The following CDYL2 variants were observed in gnomAD, a reference collection of about 807,000 sequenced individuals.
The protein encoded by CDYL2 is chromodomain Y like 2.
Under a neutral mutation model 49.4 loss-of-function variants are expected in CDYL2, and 23 were observed. That is an observed-to-expected ratio of 0.47 (90% CI 0.34 to 0.66). CDYL2 has a LOEUF of 0.66. CDYL2 is among the 30% of genes least tolerant of loss of function. CDYL2 has a pLI of 0.01. For missense variants in CDYL2, 678 were observed against 656.4 expected (o/e 1.03, Z -0.36); for synonymous variants, 360 against 268.8 (o/e 1.34, Z -3.32).
chr16:80,652,737 G>A (rs1226971825), intron 2 of CDYL2, among the ~76,000 whole-genome samples: 2 of 152,182 alleles, frequency 1.3e-5, no homozygotes, highest in African/African-American at 4.8e-5. Flanking sequence ...AGGATGTGAT[G>A]AGAATGGCAC....
At position 80,727,226 on chromosome 16, in the gene CDYL2, G is replaced by T. The variant is rs568773218; in HGVS notation, c.25-42097C>A. On this transcript the variant is annotated intron_variant, in intron 1 of 6. Coordinates refer to ENST00000570137, the MANE Select transcript of CDYL2 (RefSeq NM_152342.4). ...AGGGAGTGCCAGACAGTGGGCACAG[G>T]TCACTGGGTGCACGCACCGTGCCCG... Among the ~76,000 whole-genome samples the T allele has an allele frequency of 4.6e-5, 7 of 152,238 alleles. No individual in the cohort carries two copies. The South Asian group carries it at 1.2e-3, about 27-fold the overall frequency.
chr16:80,642,441 TA>T (rs1303074388), intron 2 of CDYL2, among the ~76,000 whole-genome samples: 1 of 151,988 alleles, frequency 6.6e-6, no homozygotes. Flanking sequence ...AGACTCCATC[TA>T]AAAAAAATTA....
At chr16:80,742,877 A>G (rs567533008) in intron 1 of CDYL2, among the ~76,000 whole-genome samples, 135 of 149,294 alleles carry the variant, frequency 9.0e-4, no homozygotes, top group African/African-American at 3.2e-3. Context: ...GAGTGGGTAG[A>G]TGGGTGAAGG....
At chr16:80,645,573 G>A (rs1277066862) in intron 2 of CDYL2, among the ~76,000 whole-genome samples, 1 of 152,144 alleles carries the variant, frequency 6.6e-6, no homozygotes, top group African/African-American at 2.4e-5. Context: ...GGAAGACAGT[G>A]TGGCGATTCC....
chr16:80,676,335 G>C (rs1046073344), intron 2 of CDYL2, among the ~76,000 whole-genome samples: 11 of 152,220 alleles, frequency 7.2e-5, no homozygotes, highest in Admixed American at 5.9e-4. Flanking sequence ...GTGTTGGCCT[G>C]GGGGTGGGTA....
At chr16:80,656,199 C>T (rs112448321) in intron 2 of CDYL2, among the ~76,000 whole-genome samples, 1 of 152,246 alleles carries the variant, frequency 6.6e-6, no homozygotes, top group Non-Finnish European at 1.5e-5. Context: ...GCCCAGCACA[C>T]TCCAGGCACT....
intron 1 of CDYL2, among the ~76,000 whole-genome samples, chr16:80,801,115 A>C (rs1907914604): frequency 6.6e-6 from 1 of 152,246 alleles, no homozygotes; most frequent in Non-Finnish European, 1.5e-5. Flanking sequence ...TGTTTAGCCG[A>C]ATATAGACCA....
intron 1 of CDYL2, among the ~76,000 whole-genome samples, chr16:80,767,181 C>G (rs567751495): frequency 6.2e-4 from 95 of 152,238 alleles, no homozygotes; most frequent in African/African-American, 2.1e-3. Context: ...AGAACTTTTC[C>G]CCAACTATAC....
intron 2 of CDYL2, among the ~76,000 whole-genome samples, chr16:80,633,578 G>T (rs568399906): frequency 6.6e-6 from 1 of 152,298 alleles, no homozygotes; most frequent in Admixed American, 6.5e-5. Context: ...GGATGCCTAT[G>T]AATCATAGGA....
intron 2 of CDYL2, among the ~76,000 whole-genome samples, chr16:80,663,292 G>T (rs1420772399): frequency 6.6e-6 from 1 of 151,436 alleles, no homozygotes; most frequent in Non-Finnish European, 1.5e-5. Flanking sequence ...TGAGGTGGAG[G>T]GGAGAGTTAA....
chr16:80,759,575 A>G (rs1906457837), intron 1 of CDYL2, among the ~76,000 whole-genome samples: 1 of 152,210 alleles, frequency 6.6e-6, no homozygotes, highest in Non-Finnish European at 1.5e-5. Flanking sequence ...TTATGAGTGC[A>G]TCGATCAAAT....
chr16:80,626,317 T>C (rs1329868866), intron 3 of CDYL2, among the ~76,000 whole-genome samples: 1 of 150,116 alleles, frequency 6.7e-6, no homozygotes, highest in Non-Finnish European at 1.5e-5. Flanking sequence ...GGTGAATGTG[T>C]TGTTAATAAA....
intron 1 of CDYL2, among the ~76,000 whole-genome samples, chr16:80,692,806 A>G (rs1033274965): frequency 1.3e-4 from 20 of 152,244 alleles, no homozygotes; most frequent in African/African-American, 4.8e-4. Flanking sequence ...TTATCACTAG[A>G]GTAACATGTT....
intron 1 of CDYL2, among the ~76,000 whole-genome samples, chr16:80,737,581 G>C (rs1354135559): frequency 6.6e-6 from 1 of 152,162 alleles, no homozygotes; most frequent in Non-Finnish European, 1.5e-5. Context: ...TGTTGCTGCT[G>C]CTGCTAGTGG....
At chr16:80,652,496 T>C (rs1292998379) in intron 2 of CDYL2, among the ~76,000 whole-genome samples, 1 of 152,224 alleles carries the variant, frequency 6.6e-6, no homozygotes, top group Non-Finnish European at 1.5e-5. Flanking sequence ...TGCAGAAGAA[T>C]TCCCGATAGT....
chr16:80,626,502 C>T (rs1907310447), intron 3 of CDYL2, among the ~76,000 whole-genome samples: 1 of 152,028 alleles, frequency 6.6e-6, no homozygotes, highest in Non-Finnish European at 1.5e-5. Context: ...TTACTCTTAG[C>T]CTTTGCTATG....
Position 80,612,946 on chromosome 16 carries a change from T to C in CDYL2, c.1008-110A>G. 1.0e-6 allele frequency: 1 copy of C among 996,676 alleles called. No homozygotes were observed. The highest frequency in any genetic ancestry group is 1.4e-6 in the Non-Finnish European group (1 of 695,110). The allele number at this position is 996,676 out of a possible 1,614,324, so 61.7% of individuals were successfully genotyped here. ...AGGAGCACCCTCAGGTCGTCAGAGG[T>C]TAGAGGTGCCAGGCAAGGGCCTCAT... On this transcript the variant is annotated intron_variant, in intron 4 of 6. Transcript: ENST00000570137. This position sits in a 1 kb window ranked among gnomAD's most constrained non-coding sequence, Gnocchi z 5.0.
chr16:80,665,940 C>T (rs2142442694), intron 2 of CDYL2, among the ~76,000 whole-genome samples: 1 of 152,096 alleles, frequency 6.6e-6, no homozygotes, highest in Non-Finnish European at 1.5e-5. Flanking sequence ...AGAATAAAAC[C>T]TAATATCCTA....
chr16:80,739,496 G>A (rs1257015248), intron 1 of CDYL2, among the ~76,000 whole-genome samples: 1 of 152,184 alleles, frequency 6.6e-6, no homozygotes, highest in Non-Finnish European at 1.5e-5. Flanking sequence ...GGGAAGGAGG[G>A]AGAAATTTGG....
Sources: allele counts gnomAD v4.1 joint callset (sites outside exome capture counted in the v4.1 genomes callset), GRCh38; gene constraint gnomAD v4.1.1; non-coding constraint Gnocchi (gnomAD v3.1); transcripts MANE v1.5; gene names NCBI Gene and HGNC (gene_info 2026-07-23, HGNC 2026-07-21).